The following PLPP1 variants were observed in gnomAD, a reference collection of about 807,000 sequenced individuals.
PLPP1 encodes lipid phosphate phosphohydrolase 1a.
In PLPP1, 24 loss-of-function variants were observed where a neutral mutation model predicts 31.2. That is an observed-to-expected ratio of 0.77 (90% confidence interval 0.56 to 1.08). PLPP1 has a LOEUF of 1.08. Among genes scored for constraint, PLPP1 ranks in the 50% least tolerant of loss-of-function variants. The pLI is 0.00. For missense variants in PLPP1, 319 were observed against 342.7 expected (o/e 0.93, Z 0.55); for synonymous variants, 146 against 126.3 (o/e 1.16, Z -1.05).
At chr5:55,502,150 A>T (rs559895996) in intron 1 of PLPP1, among the ~76,000 whole-genome samples, 7 of 152,298 alleles carry the variant, frequency 4.6e-5, no homozygotes, top group South Asian at 2.1e-4. Flanking sequence ...GAAAATACAT[A>T]ATTTTATCTA....
At chr5:55,465,749 C>T (rs1185952770) in intron 3 of PLPP1, among the ~76,000 whole-genome samples, 3 of 152,122 alleles carry the variant, frequency 2.0e-5, no homozygotes, top group Non-Finnish European at 4.4e-5. Flanking sequence ...TTTCAATAGG[C>T]TTCCTCTCCT....
At chr5:55,453,036 CT>C (rs2111742877) in intron 3 of PLPP1, among the ~76,000 whole-genome samples, 1 of 151,422 alleles carries the variant, frequency 6.6e-6, no homozygotes, top group African/African-American at 2.4e-5. Flanking sequence ...GGTTTTTTTC[CT>C]TTTTTGCTAA....
intron 1 of PLPP1, among the ~76,000 whole-genome samples, chr5:55,494,021 G>A (rs1204125752): frequency 6.6e-6 from 1 of 152,074 alleles, no homozygotes; most frequent in Non-Finnish European, 1.5e-5. Flanking sequence ...TTCCAACATG[G>A]GTGCAGAGCA....
chr5:55,482,203 GACAC>G (rs112327602), intron 1 of PLPP1, among the ~76,000 whole-genome samples: 24 of 144,520 alleles, frequency 1.7e-4, no homozygotes, highest in South Asian at 2.2e-4. Flanking sequence ...TACACACACA[GACAC>G]ACACACACAC....
chr5:55,509,694 A>C (rs955752774), intron 1 of PLPP1, among the ~76,000 whole-genome samples: 2 of 152,216 alleles, frequency 1.3e-5, no homozygotes, highest in Non-Finnish European at 2.9e-5. Context: ...AAAAATCACG[A>C]GCTATTAGGG....
intron 4 of PLPP1, 111 bp downstream of exon 4, chr5:55,441,740 T>C: frequency 1.8e-6 from 2 of 1,138,778 alleles, no homozygotes; most frequent in Non-Finnish European, 1.3e-6. Flanking sequence ...AGATCATCTG[T>C]TTCACCTTTT....
intron 2 of PLPP1, among the ~76,000 whole-genome samples, chr5:55,470,918 A>G (rs948529487): frequency 2.0e-5 from 3 of 152,230 alleles, no homozygotes; most frequent in African/African-American, 4.8e-5. Context: ...TTCAAAGCTA[A>G]TAATTATCTA....
intron 1 of PLPP1, chr5:55,491,086 C>T (rs1290674904): frequency 6.2e-7 from 1 of 1,613,464 alleles, no homozygotes; most frequent in Non-Finnish European, 8.5e-7. Flanking sequence ...ATATTTGGCC[C>T]AATTTTAGAA....
chr5:55,534,276 T>A (rs112357825), intron 1 of PLPP1, among the ~76,000 whole-genome samples: 1 of 152,136 alleles, frequency 6.6e-6, no homozygotes, highest in African/African-American at 2.4e-5. Context: ...CACCCTGCTC[T>A]GCTAGAGTGG....
At position 55,468,054 on chromosome 5, in the gene PLPP1, A is replaced by C. The variant is rs758109930; in HGVS notation, c.306T>G (p.Ile102Met). 6.9e-5 allele frequency: 112 copies of C among 1,614,070 alleles called. No homozygotes were observed. The highest frequency in any genetic ancestry group is 9.4e-5 in the Non-Finnish European group (111 of 1,180,010). Residue 102 changes from isoleucine to methionine, a missense_variant, in exon 3 of 6, where the codon ATT (isoleucine) becomes ATG (methionine). Ile to Met is a conservative substitution (Grantham distance 10). Transcript: ENST00000307259. ...CAGCTGCACCAAATAAAAAGGTTCC[A>C]ATGGCTTTGTAAATAGTGGCTATGT... ...NNYIATIYKA[I>M]GTFLFGAAAS...
intron 4 of PLPP1, among the ~76,000 whole-genome samples, chr5:55,427,890 A>G (rs906206045): frequency 6.6e-6 from 1 of 151,926 alleles, no homozygotes; most frequent in Non-Finnish European, 1.5e-5. Flanking sequence ...GGTTCAAGCA[A>G]TCCTCCTGCC....
chr5:55,432,800 TA>T (rs70992791), intron 4 of PLPP1, among the ~76,000 whole-genome samples: 124,334 of 145,790 alleles, frequency 0.85, 53,083 homozygotes, highest in Admixed American at 0.9. Context: ...CTTCATGATT[TA>T]AAAAAAAAAA....
At chr5:55,529,534 T>C (rs1451694791) in intron 1 of PLPP1, among the ~76,000 whole-genome samples, 3 of 152,140 alleles carry the variant, frequency 2.0e-5, no homozygotes, top group Non-Finnish European at 4.4e-5. Context: ...TTTCTCTCTG[T>C]ATTTCCTTCT....
rs774305440 is a variant in PLPP1 at position 55,426,054 on chromosome 5, T to TAA, written c.550-17_550-16dup. On this transcript the variant is annotated splice_polypyrimidine_tract_variant and intron_variant, in intron 4 of 5. Transcript: ENST00000307259. ...TGAAGATAAAGCTAAAAGAAAAGAA[T>TAA]AAAGAAAAAAATAGTTTATTTAACA... The TAA allele has an allele frequency of 5.1e-6, 8 of 1,560,588 alleles. No homozygotes were observed. In the African/African-American group the frequency reaches 1.1e-4, roughly 22 times the overall value.
At chr5:55,482,845 T>C (rs1752699113) in intron 1 of PLPP1, among the ~76,000 whole-genome samples, 1 of 152,234 alleles carries the variant, frequency 6.6e-6, no homozygotes, top group Admixed American at 6.5e-5. Context: ...CAATTTCTTA[T>C]TACCATTTAA....
At position 55,442,420 on chromosome 5, in the gene PLPP1, A is replaced by G. The variant is rs1195466159; in HGVS notation, c.492-512T>C. Among the ~76,000 whole-genome samples, 4 of 152,108 alleles carry G rather than the reference A, an allele frequency of 2.6e-5. No individual in the cohort carries two copies. The East Asian group carries it at 5.8e-4, about 22-fold the overall frequency. On this transcript the variant is annotated intron_variant, in intron 3 of 5. Transcript: ENST00000307259. ...TGTAATCCCAGCACTTCAGGAGGCC[A>G]AGGCGGGCGGATCACGAGGTCAGGA...
chr5:55,530,786 G>T, intron 1 of PLPP1: 1 of 1,512,676 alleles, frequency 6.6e-7, no homozygotes, highest in Non-Finnish European at 9.2e-7. Flanking sequence ...CAGAAAACGT[G>T]CTGACAGGGC....
At chr5:55,426,362 T>C (rs770877457) in intron 4 of PLPP1, among the ~76,000 whole-genome samples, 2 of 152,216 alleles carry the variant, frequency 1.3e-5, no homozygotes, top group African/African-American at 2.4e-5. Context: ...ATTTGGGTTA[T>C]AATTCTCATA....
chr5:55,505,521 G>A (rs1435678316), intron 1 of PLPP1, among the ~76,000 whole-genome samples: 2 of 151,258 alleles, frequency 1.3e-5, no homozygotes, highest in East Asian at 3.9e-4. Context: ...TCTACTATTT[G>A]CCTGATATTT....
Sources: allele counts gnomAD v4.1 joint callset (sites outside exome capture counted in the v4.1 genomes callset), GRCh38; gene constraint gnomAD v4.1.1; transcripts MANE v1.5; gene names NCBI Gene and HGNC (gene_info 2026-07-23, HGNC 2026-07-21).